SLC9A4: variants seen among roughly 807,000 people sequenced by gnomAD.
The protein encoded by SLC9A4 is solute carrier family 9 member A4.
A neutral mutation model predicts 67.4 loss-of-function variants in SLC9A4; 63 were observed. That is an observed-to-expected ratio of 0.93 (90% confidence interval 0.76 to 1.15). SLC9A4 has a LOEUF of 1.15. Ranked by LOEUF, SLC9A4 falls within the 50% of genes most tolerant of loss-of-function variation. The pLI is 0.00. For missense variants in SLC9A4, 1,089 were observed against 987.7 expected (o/e 1.10, Z -1.38); for synonymous variants, 393 against 367.2 (o/e 1.07, Z -0.80).
chr2:102,522,681 G>T (rs1231783982), intron 9 of SLC9A4, among the ~76,000 whole-genome samples: 1 of 152,098 alleles, frequency 6.6e-6, no homozygotes, highest in East Asian at 1.9e-4. Flanking sequence ...AATTGTAAAA[G>T]TTTGTCTCTA....
chr2:102,474,908 G>T (rs759356659), intron 1 of SLC9A4, among the ~76,000 whole-genome samples: 3 of 152,168 alleles, frequency 2.0e-5, no homozygotes, highest in Non-Finnish European at 2.9e-5. Context: ...TTATTTATAT[G>T]TGTATGTTTT....
In SLC9A4 at chr2:102,503,538, A is replaced by G. The variant is rs774420673; in HGVS notation, c.811A>G (p.Ile271Val). Residue 271 changes from isoleucine to valine, a missense_variant, in exon 3 of 12, where the codon ATC becomes GTC. By Grantham distance (29) the Ile-to-Val change is conservative. Coordinates refer to ENST00000295269, the MANE Select transcript of SLC9A4 (RefSeq NM_001011552.4). Reference protein sequence around the residue: ...VDILAGCARFIVVGLGGVLFG... With the variant: ...VDILAGCARFVVVGLGGVLFG... ...CATTTTGGCTGGATGTGCCCGATTC[A>G]TCGTTGTGGGGCTTGGAGGGGTATT... is the stretch of plus-strand genomic sequence containing the variant. 3 of 1,614,166 alleles carry G rather than the reference A, an allele frequency of 1.9e-6. No individual in the cohort carries two copies. Among genetic ancestry groups the G allele is most frequent in the Non-Finnish European group, 2.5e-6 (3 of 1,180,030 alleles).
At chr2:102,494,972 C>T (rs1684775431) in intron 2 of SLC9A4, among the ~76,000 whole-genome samples, 1 of 151,996 alleles carries the variant, frequency 6.6e-6, no homozygotes. Flanking sequence ...TGAATATTAT[C>T]AACCACCTTG....
chr2:102,512,218 A>C lies in SLC9A4; in HGVS notation c.1504A>C (p.Lys502Gln). Residue 502 changes from lysine (K) to glutamine (Q), a missense_variant, in exon 7 of 12, where the codon AAG becomes CAG. Transcript: ENST00000295269. ...ELHIRLMDHL[K>Q]AGIEDVCGHW... ...TGTTTGGCAGCTGATGGATCACTTA[A>C]AGGCTGGAATCGAAGATGTGTGTGG... 2 of 1,614,102 alleles carry C rather than the reference A, an allele frequency of 1.2e-6. No individual in the cohort carries two copies. The highest frequency in any genetic ancestry group is 4.5e-5 in the East Asian group (2 of 44,874).
At position 102,520,397 on chromosome 2, in the gene SLC9A4, A is replaced by T. The variant is rs1685380175; in HGVS notation, c.1818+442A>T. On this transcript the variant is annotated intron_variant, in intron 9 of 11. Coordinates refer to ENST00000295269, the MANE Select transcript of SLC9A4 (RefSeq NM_001011552.4). The stretch of plus-strand genomic sequence containing the variant: ...TGAAACTCTAATTTATAATGAATAA[A>T]TGCCTGAATAAAAGGAGACATCTTA... Among the ~76,000 whole-genome samples, 3 of 152,318 alleles carry T rather than the reference A, an allele frequency of 2.0e-5. No individual in the cohort carries two copies. In the South Asian group the frequency reaches 6.2e-4, roughly 32 times the overall value.
intron 7 of SLC9A4, among the ~76,000 whole-genome samples, chr2:102,513,393 A>G (rs1179122665): frequency 6.6e-6 from 1 of 152,184 alleles, no homozygotes; most frequent in Non-Finnish European, 1.5e-5. Flanking sequence ...ATGTAAAATG[A>G]TTGAAAGTGT....
chr2:102,508,740 C>G (rs778345142), intron 5 of SLC9A4, 107 bp from the exon 6 acceptor site: 4 of 830,450 alleles, frequency 4.8e-6, no homozygotes, highest in East Asian at 2.6e-5. Context: ...ATAGCTAGTA[C>G]AAAAACATAT....
chr2:102,522,643 G>T (rs1685452335), intron 9 of SLC9A4, among the ~76,000 whole-genome samples: 1 of 152,096 alleles, frequency 6.6e-6, no homozygotes, highest in African/African-American at 2.4e-5. Flanking sequence ...ACTGAATTCA[G>T]TTTTGCATGA....
intron 2 of SLC9A4, among the ~76,000 whole-genome samples, chr2:102,501,978 A>G (rs1452878433): frequency 1.2e-4 from 18 of 152,098 alleles, no homozygotes. Context: ...TAGAAGGTCC[A>G]CACAGTCCAT....
At chr2:102,487,139 A>G (rs967266583) in intron 2 of SLC9A4, among the ~76,000 whole-genome samples, 1 of 151,414 alleles carries the variant, frequency 6.6e-6, no homozygotes, top group Non-Finnish European at 1.5e-5. Context: ...CAGCCAAAAT[A>G]TTTGGAGGTT....
chr2:102,528,009 C>A (rs564995548), intron 11 of SLC9A4, among the ~76,000 whole-genome samples: 1 of 148,632 alleles, frequency 6.7e-6, no homozygotes, highest in African/African-American at 2.5e-5. Context: ...ATGTTGCCAA[C>A]GATTTTTTTA....
At chr2:102,520,489 T>A (rs747241531) in intron 9 of SLC9A4, among the ~76,000 whole-genome samples, 16 of 152,238 alleles carry the variant, frequency 1.1e-4, no homozygotes, top group Admixed American at 5.2e-4. Flanking sequence ...AAGTGCATAC[T>A]AAGAAGATTT....
At chr2:102,483,192 G>T (rs1684503960) in intron 2 of SLC9A4, among the ~76,000 whole-genome samples, 1 of 152,238 alleles carries the variant, frequency 6.6e-6, no homozygotes, top group South Asian at 2.1e-4. Flanking sequence ...CCGTGGGGTT[G>T]TCCACACTTC....
At chr2:102,517,413 GCTTCTTTTT>G (rs1558670928) in intron 8 of SLC9A4, among the ~76,000 whole-genome samples, 9 of 152,114 alleles carry the variant, frequency 5.9e-5, no homozygotes, top group Middle Eastern at 3.2e-3. Flanking sequence ...TAGAATTGAA[GCTTCTTTTT>G]ACATTATTAT....
At chr2:102,514,769 G>A (rs1043504458) in intron 8 of SLC9A4, among the ~76,000 whole-genome samples, 4 of 152,286 alleles carry the variant, frequency 2.6e-5, no homozygotes, top group African/African-American at 7.2e-5. Context: ...CATCTAAGGC[G>A]AAGGTCTACA....
At position 102,531,808 on chromosome 2, in the gene SLC9A4, G is replaced by A. The variant is rs551163394; in HGVS notation, c.2039-522G>A. ...CTCTGAAAGGAGGGCATCCGGTCAC[G>A]CCCTGGTCTCTGCTGTGGCTCCCTT... is the stretch of plus-strand genomic sequence containing the variant. On this transcript the variant is annotated intron_variant, in intron 11 of 11. Coordinates refer to ENST00000295269, the MANE Select transcript of SLC9A4 (RefSeq NM_001011552.4). 1.4e-3 allele frequency among the ~76,000 whole-genome samples: 218 copies of A among 152,270 alleles called. 1 individual carries two copies. The highest frequency in any genetic ancestry group is 5.0e-3 in the African/African-American group (209 of 41,564).
chr2:102,478,539 C>T (rs1370483007), intron 1 of SLC9A4, among the ~76,000 whole-genome samples: 1 of 152,188 alleles, frequency 6.6e-6, no homozygotes, highest in Admixed American at 6.5e-5. Flanking sequence ...GTTTCACCCT[C>T]GTTTCTCCTT....
rs1685036072 is a variant in SLC9A4 at position 102,505,670 on chromosome 2, G to T, written c.1198+199G>T. Reference sequence around the variant, plus strand: ...GCTCAAAGTAATTAGTGGTTGATAAGGTTCTGCATTGAAGCAAGGCTGGGG... The same window carrying T: ...GCTCAAAGTAATTAGTGGTTGATAATGTTCTGCATTGAAGCAAGGCTGGGG... On this transcript the variant is annotated intron_variant, in intron 4 of 11. Transcript: ENST00000295269. The T allele has an allele frequency of 5.5e-6, 3 of 547,870 alleles. No individual in the cohort carries two copies. The South Asian group carries it at 9.1e-5, about 17-fold the overall frequency. 33.9% of individuals were successfully genotyped at this position (547,870 alleles called of 1,614,324 possible).
At position 102,511,673 on chromosome 2, in the gene SLC9A4, G is replaced by A. The variant is rs142025543; in HGVS notation, c.1489-530G>A. ...ATATAATTTGCTTAAGTGGTCATAT[G>A]TAATTACTCAGATCAAACGAGCATA... On this transcript the variant is annotated intron_variant, in intron 6 of 11. Coordinates refer to ENST00000295269, the MANE Select transcript of SLC9A4 (RefSeq NM_001011552.4). 3.4e-3 allele frequency among the ~76,000 whole-genome samples: 518 copies of A among 152,054 alleles called. 6 individuals are homozygous for A. Among genetic ancestry groups the A allele is most frequent in the African/African-American group, 0.011 (477 of 41,520 alleles).
Sources: allele counts gnomAD v4.1 joint callset (sites outside exome capture counted in the v4.1 genomes callset), GRCh38; gene constraint gnomAD v4.1.1; transcripts MANE v1.5; gene names NCBI Gene and HGNC (gene_info 2026-07-23, HGNC 2026-07-21).